Variants in NMNAT1 observed in about 807,000 individuals in gnomAD.
The protein encoded by NMNAT1 is nicotinamide nucleotide adenylyltransferase 1.
A neutral mutation model predicts 16.7 loss-of-function variants in NMNAT1; 11 were observed. That is an observed-to-expected ratio of 0.66 (90% CI 0.41 to 1.09). The LOEUF (loss-of-function observed/expected upper bound fraction) is 1.09. Ranked by LOEUF, NMNAT1 falls within the 50% of genes least tolerant of loss-of-function variation. The pLI is 0.00. For synonymous variants in NMNAT1, 110 were observed against 119.8 expected (o/e 0.92, Z 0.53); for missense variants, 280 against 332.3 (o/e 0.84, Z 1.22).
chr1:9,975,824 G>A (rs762146228), intron 3 of NMNAT1, 49 bp downstream of exon 3: 110 of 1,430,192 alleles, frequency 7.7e-5, no homozygotes, highest in Middle Eastern at 1.8e-4. Flanking sequence ...ATGGCTAAGC[G>A]GCTTATGTTT....
intron 1 of NMNAT1, among the ~76,000 whole-genome samples, chr1:9,963,691 G>A (rs1483971747): frequency 6.6e-6 from 1 of 152,068 alleles, no homozygotes; most frequent in Non-Finnish European, 1.5e-5. Context: ...ACAGGCGTGA[G>A]CCACCGCATC....
Position 9,981,047 on chromosome 1 carries a change from T to A in NMNAT1, c.316T>A (p.Leu106Met). 1 of 1,607,276 alleles carries A rather than the reference T, an allele frequency of 6.2e-7. No individual in the cohort carries two copies. The highest frequency in any genetic ancestry group is 1.1e-5 in the South Asian group (1 of 89,592). Residue 106 changes from leucine (L) to methionine (M), a missense_variant, in exon 4 of 5, where the codon TTG becomes ATG. Physicochemically the swap from Leu to Met is conservative, Grantham distance 15. Transcript: ENST00000377205. Reference sequence around the variant, plus strand: ...GTTTTATAGACACCATCAAGAGAAATTGGAGGCTAGTGACTGTGATCACCA... The same window carrying A: ...GTTTTATAGACACCATCAAGAGAAAATGGAGGCTAGTGACTGTGATCACCA... Reference protein sequence around the residue: ...LKVLRHHQEKLEASDCDHQQN... With the variant: ...LKVLRHHQEKMEASDCDHQQN...
At chr1:9,943,126 C>T (rs1485604164), upstream of NMNAT1, 1 of 174,182 alleles carries the variant, frequency 5.7e-6, no homozygotes, top group Non-Finnish European at 1.3e-5. Context: ...GCAGCAAATC[C>T]CACCCCACGC....
At chr1:9,970,075 G>A (rs1476002029) in intron 1 of NMNAT1, among the ~76,000 whole-genome samples, 1 of 152,162 alleles carries the variant, frequency 6.6e-6, no homozygotes, top group Non-Finnish European at 1.5e-5. Context: ...TAATGCCTTT[G>A]AAGTTGTGAG....
chr1:9,987,334 A>G (rs966554756), downstream of NMNAT1, among the ~76,000 whole-genome samples: 1 of 152,054 alleles, frequency 6.6e-6, no homozygotes, highest in Non-Finnish European at 1.5e-5. Flanking sequence ...GTGTCTACAA[A>G]AATTTTTTTA....
At position 9,968,080 on chromosome 1, in the gene NMNAT1, G is replaced by GTTTTTTGTTTT. The variant is rs1553126647; in HGVS notation, c.-56-3932_-56-3931insGTTTTTTTTTT. 7.6e-4 allele frequency among the ~76,000 whole-genome samples: 89 copies of GTTTTTTGTTTT among 117,806 alleles called. 5 individuals carry two copies. The highest frequency in any genetic ancestry group is 1.2e-3 in the Non-Finnish European group (68 of 58,770). 77.3% of individuals were successfully genotyped at this position (117,806 alleles called of 152,430 possible). On this transcript the variant is annotated intron_variant, in intron 1 of 4. Coordinates refer to ENST00000377205, the MANE Select transcript of NMNAT1 (RefSeq NM_022787.4). ...TTTGCCAAATGTAGTTTTTTTTTTT[G>GTTTTTTGTTTT]TTTTTTTTTGAGATGGAGTCTCGCT...
chr1:9,947,491 C>G (rs1641006453), intron 1 of NMNAT1: 1 of 152,266 alleles, frequency 6.6e-6, no homozygotes, highest in Non-Finnish European at 1.5e-5. Flanking sequence ...TAGAGGAGGA[C>G]TAATCTTCGG....
chr1:9,996,081 G>A, the NMNAT1 span, among the ~76,000 whole-genome samples: 2 of 152,024 alleles, frequency 1.3e-5, no homozygotes, highest in Admixed American at 6.6e-5. Context: ...GGAGGCCAAG[G>A]CGGGCGGATC....
chr1:9,988,512 C>T (rs938167568), downstream of NMNAT1, among the ~76,000 whole-genome samples: 2 of 151,834 alleles, frequency 1.3e-5, no homozygotes, highest in Non-Finnish European at 2.9e-5. Context: ...ACCAGCCTGG[C>T]CAACATGGTG....
intron 1 of NMNAT1, among the ~76,000 whole-genome samples, chr1:9,960,502 AAAT>A (rs145467504): frequency 1.3e-5 from 2 of 151,932 alleles, no homozygotes; most frequent in Admixed American, 6.6e-5. Flanking sequence ...TCTCTACCAA[AAAT>A]AATAATAATA....
intron 1 of NMNAT1, chr1:9,949,952 C>G (rs1157602674): frequency 6.6e-6 from 1 of 152,134 alleles, no homozygotes; most frequent in East Asian, 1.9e-4. Flanking sequence ...TTTAGAAAAT[C>G]ACAATAATCA....
rs577010012 is a variant in NMNAT1, at chr1:9,973,065, A to C, written c.115+877A>C. Among the ~76,000 whole-genome samples the C allele has an allele frequency of 3.3e-5, 5 of 152,352 alleles. No homozygotes were observed. The East Asian group carries it at 9.6e-4, about 29-fold the overall frequency. The stretch of plus-strand genomic sequence containing the variant: ...AAAGCGAAAGCTTGTACTTTAGCAT[A>C]CATAAAACCTCTAGGATCAGGCACA... On this transcript the variant is annotated intron_variant, in intron 2 of 4. Coordinates refer to ENST00000377205, the MANE Select transcript of NMNAT1 (RefSeq NM_022787.4).
At chr1:9,949,628 T>G (rs201041344) in intron 1 of NMNAT1, 4 of 151,220 alleles carry the variant, frequency 2.6e-5, no homozygotes, top group East Asian at 1.9e-4. Context: ...AATTTTTTTG[T>G]TTTTTTTAGT....
intron 4 of NMNAT1, 34 bp from the exon 5 acceptor site, chr1:9,982,267 A>T: frequency 6.4e-7 from 1 of 1,560,332 alleles, no homozygotes; most frequent in Non-Finnish European, 8.7e-7. Flanking sequence ...GGGAAGAAAA[A>T]GCATACCCCA....
intron 2 of NMNAT1, among the ~76,000 whole-genome samples, chr1:9,973,458 A>T (rs1641734125): frequency 6.6e-6 from 1 of 152,016 alleles, no homozygotes; most frequent in South Asian, 2.1e-4. Flanking sequence ...CTGGAATCCC[A>T]GCACTTTGGG....
intron 1 of NMNAT1, among the ~76,000 whole-genome samples, chr1:9,959,880 A>G (rs1287731805): frequency 2.0e-5 from 3 of 152,264 alleles, no homozygotes; most frequent in South Asian, 4.1e-4. Flanking sequence ...AGAATATGCA[A>G]TTTCAAAATA....
At chr1:9,966,581 C>G (rs1641549232) in intron 1 of NMNAT1, among the ~76,000 whole-genome samples, 1 of 150,700 alleles carries the variant, frequency 6.6e-6, no homozygotes, top group Non-Finnish European at 1.5e-5. Context: ...CCACTGCACT[C>G]CAGCCTGAGC....
At chr1:9,966,517 G>A (rs1168007087) in intron 1 of NMNAT1, among the ~76,000 whole-genome samples, 3 of 152,042 alleles carry the variant, frequency 2.0e-5, no homozygotes, top group Non-Finnish European at 4.4e-5. Context: ...GGAGGCTGAG[G>A]CAGGAGAATC....
chr1:9,952,025 T>G (rs1361175343), intron 1 of NMNAT1, among the ~76,000 whole-genome samples: 1 of 152,002 alleles, frequency 6.6e-6, no homozygotes, highest in Non-Finnish European at 1.5e-5. Flanking sequence ...AAATTCTTTG[T>G]TTATGGCTCA....
Sources: gnomAD v4.1 joint callset for allele counts (sites outside exome capture counted in the v4.1 genomes callset) on GRCh38, gnomAD v4.1.1 for gene constraint, MANE v1.5 for transcripts, NCBI Gene and HGNC (gene_info 2026-07-23, HGNC 2026-07-21) for gene names.